The following GLI2 variants were observed in gnomAD, a reference collection of about 807,000 sequenced individuals.
GLI2 encodes the protein transcription activator GLI2.
GLI2 carries 22 observed loss-of-function variants against 78.9 expected under a neutral mutation model. The observed-to-expected ratio is 0.28, with a 90% CI of 0.20 to 0.40. The LOEUF is 0.40. Among genes scored for constraint, GLI2 ranks in the 10% least tolerant of loss-of-function variants. The pLI is 1.00. For synonymous variants in GLI2, 974 were observed against 963.7 expected, an observed-to-expected ratio of 1.01 and a Z score of -0.20; for missense variants, 2,097 against 2,213.2, an observed-to-expected ratio of 0.95 and a Z score of 1.05.
intron 2 of GLI2, among the ~76,000 whole-genome samples, chr2:120,846,701 T>C (rs1687132789): frequency 6.6e-6 from 1 of 152,238 alleles, no homozygotes; most frequent in African/African-American, 2.4e-5. Context: ...GGCATGGAGC[T>C]GGGCAGTCCC....
intron 12 of GLI2, among the ~76,000 whole-genome samples, 183 bp from the exon 13 acceptor site, chr2:120,986,095 A>AAGT (rs1682956383): frequency 6.6e-6 from 1 of 152,238 alleles, no homozygotes; most frequent in Admixed American, 6.5e-5. Context: ...AAGTGAAGTG[A>AAGT]CTTGACCGTT....
chr2:120,923,993 T>C (rs1477817840), intron 2 of GLI2, among the ~76,000 whole-genome samples: 1 of 152,180 alleles, frequency 6.6e-6, no homozygotes, highest in African/African-American at 2.4e-5. Context: ...CTGGGTGAAG[T>C]TGCCTGAATC....
chr2:120,818,174 A>G (rs910701455), intron 2 of GLI2, among the ~76,000 whole-genome samples: 2 of 152,186 alleles, frequency 1.3e-5, no homozygotes, highest in Non-Finnish European at 2.9e-5. Context: ...GGAGAGCTCC[A>G]AGGAGCCCCG....
At chr2:120,808,164 C>T (rs918096461) in intron 2 of GLI2, among the ~76,000 whole-genome samples, 2 of 152,146 alleles carry the variant, frequency 1.3e-5, no homozygotes, top group African/African-American at 2.4e-5. Context: ...GGTATGGAGC[C>T]GGGCAGTGGA....
intron 2 of GLI2, among the ~76,000 whole-genome samples, chr2:120,803,243 C>T (rs1684784110): frequency 6.6e-6 from 1 of 152,174 alleles, no homozygotes; most frequent in African/African-American, 2.4e-5. Context: ...TGGTTAAGTC[C>T]CAGTTCTGTT....
At chr2:120,789,471 A>G (rs1684088247) in intron 1 of GLI2, among the ~76,000 whole-genome samples, 1 of 151,710 alleles carries the variant, frequency 6.6e-6, no homozygotes, top group African/African-American at 2.4e-5. Flanking sequence ...GGACCCTTTC[A>G]TTCTCTGACT....
chr2:120,889,124 G>A lies in GLI2; in HGVS notation c.149-38237G>A, dbSNP rs72835597. On this transcript the variant is annotated intron_variant, in intron 2 of 13. Coordinates refer to ENST00000361492, the MANE Select transcript of GLI2 (RefSeq NM_001374353.1). ...TTATCTGGTCCTCCGAAAGAAGTGC[G>A]GTGGCCATAGTCTCCTCTTTTAGCC... Among the ~76,000 whole-genome samples the A allele has an allele frequency of 7.8e-3, 1,194 of 152,322 alleles. 6 individuals are homozygous for A. The highest frequency in any genetic ancestry group is 0.012 in the Non-Finnish European group (820 of 68,018).
chr2:120,971,237 CTG>C, intron 7 of GLI2, among the ~76,000 whole-genome samples: 1 of 152,332 alleles, frequency 6.6e-6, no homozygotes, highest in Non-Finnish European at 1.5e-5. Flanking sequence ...GGTGGGGTCA[CTG>C]TGCATACAAA....
At position 120,951,461 on chromosome 2, in the gene GLI2, G is replaced by A; in HGVS notation, c.457+16G>A. ...CCCGCTGATGGTGAGTAGGGTGTGG[G>A]GATGGGGAGGGGCAGCTAGGGCACT... On this transcript the variant is annotated intron_variant, in intron 4 of 13. Transcript: ENST00000361492. 6.4e-7 allele frequency: 1 copy of A among 1,561,080 alleles called. No individual in the cohort carries two copies. Among genetic ancestry groups the A allele is most frequent in the Non-Finnish European group, 8.8e-7 (1 of 1,135,480 alleles).
chr2:120,863,477 C>T (rs888788927), intron 2 of GLI2, among the ~76,000 whole-genome samples: 5 of 152,228 alleles, frequency 3.3e-5, no homozygotes, highest in East Asian at 1.9e-4. Flanking sequence ...TAGGACTCCA[C>T]GTGAAGAACA....
In GLI2 at chr2:120,794,556, C is replaced by T. The variant is rs530760186; in HGVS notation, c.-30-2735C>T. Among the ~76,000 whole-genome samples, 230 of 152,100 alleles carry T rather than the reference C, an allele frequency of 1.5e-3. 1 individual carries two copies. The highest frequency in any genetic ancestry group is 5.4e-3 in the African/African-American group (225 of 41,480). On this transcript the variant is annotated intron_variant, in intron 1 of 13. Transcript: ENST00000361492. ...AGAGTGCCTGGCACAGAGCAGCCAG[C>T]GGGAGAGGCAGTGCTGGTGAGGCGT...
intron 4 of GLI2, among the ~76,000 whole-genome samples, chr2:120,953,094 C>T (rs1681075283): frequency 2.0e-5 from 3 of 152,220 alleles, no homozygotes; most frequent in Non-Finnish European, 2.9e-5. Context: ...TGTGGGTATT[C>T]CCTCATTTGG....
rs368638181 is a variant in GLI2 at position 120,989,262 on chromosome 2, C to G, written c.3297C>G (p.Asn1099Lys). The change falls in exon 14 of 14, where the codon AAC becomes AAG. Residue 1099 changes from asparagine (N) to lysine (K), a missense_variant. By Grantham distance (94) the Asn-to-Lys change is moderately conservative. Transcript: ENST00000361492. ...GCAGGATGGTGGCTGCGGACTCCAA[C>G]GTGGGCCCCTCCGCCCCTATGCTGG... ...GQRRMVAADS[N>K]VGPSAPMLGG... 60 of 1,613,132 alleles carry G rather than the reference C, an allele frequency of 3.7e-5. No homozygotes were observed. Among genetic ancestry groups the G allele is most frequent in the African/African-American group, 3.1e-4 (23 of 75,064 alleles).
intron 2 of GLI2, among the ~76,000 whole-genome samples, chr2:120,892,367 A>G (rs1456866965): frequency 6.6e-6 from 1 of 152,148 alleles, no homozygotes; most frequent in Non-Finnish European, 1.5e-5. Context: ...CCCTTGTGGG[A>G]CCTTGGGCAG....
At chr2:120,771,013 C>T (rs1439177661) in intron 1 of GLI2, among the ~76,000 whole-genome samples, 1 of 152,204 alleles carries the variant, frequency 6.6e-6, no homozygotes, top group African/African-American at 2.4e-5. Context: ...CAGGAATCTG[C>T]ATTTTGTCTG....
intron 2 of GLI2, among the ~76,000 whole-genome samples, chr2:120,815,712 A>C (rs1685464119): frequency 6.6e-6 from 1 of 152,180 alleles, no homozygotes; most frequent in Non-Finnish European, 1.5e-5. Context: ...CGATCAGTGG[A>C]GTAGAATCAC....
chr2:120,768,868 G>A (rs972225446), intron 1 of GLI2, among the ~76,000 whole-genome samples: 7 of 152,000 alleles, frequency 4.6e-5, no homozygotes, highest in African/African-American at 1.7e-4. Context: ...CCCACCAGAA[G>A]TAGGCAAGTT....
intron 2 of GLI2, among the ~76,000 whole-genome samples, chr2:120,863,421 G>C (rs987888099): frequency 6.6e-6 from 1 of 152,300 alleles, no homozygotes; most frequent in Admixed American, 6.5e-5. Flanking sequence ...AATCCACCAC[G>C]GGCCGTCTCT....
Position 120,989,845 on chromosome 2 carries a change from G to A in GLI2, c.3880G>A (p.Gly1294Arg), listed in dbSNP as rs766383275. The change falls in exon 14 of 14, where the codon GGA becomes AGA. Residue 1294 changes from glycine (G) to arginine (R), a missense_variant. By Grantham distance (125) the Gly-to-Arg change is moderately radical (BLOSUM62 -2). Transcript: ENST00000361492. ...ELGVPDSALA[G>R]VPPPHPVQSY... ...TGGGGTCCCCGATTCAGCCCTGGCT[G>A]GAGTGCCACCACCTCACCCAGTCCA... 4 of 1,612,620 alleles carry A rather than the reference G, an allele frequency of 2.5e-6. No homozygotes were observed. Among genetic ancestry groups the A allele is most frequent in the Non-Finnish European group, 3.4e-6 (4 of 1,179,702 alleles).
Sources: allele counts gnomAD v4.1 joint callset (sites outside exome capture counted in the v4.1 genomes callset), GRCh38; gene constraint gnomAD v4.1.1; transcripts MANE v1.5; gene names NCBI Gene and HGNC (gene_info 2026-07-23, HGNC 2026-07-21).